BASP1: variants seen among roughly 807,000 people sequenced by gnomAD.
BASP1 encodes the protein brain acid soluble protein 1.
In BASP1, 1 loss-of-function variant was observed where a neutral mutation model predicts 2.2. That is an observed-to-expected ratio of 0.46 (90% CI 0.16 to 2.17). The LOEUF (loss-of-function observed/expected upper bound fraction) is 2.17, where lower values mean the gene tolerates loss of function less well. BASP1 is among the 30% of genes most tolerant of loss of function. BASP1 has a pLI of 0.27. For synonymous variants in BASP1, 187 were observed against 154.2 expected, an observed-to-expected ratio of 1.21 and a Z score of -1.58; for missense variants, 352 against 327.2, an observed-to-expected ratio of 1.08 and a Z score of -0.58.
In BASP1 at chr5:17,219,371, T is replaced by C. The variant is rs1009567064; in HGVS notation, c.-10+1561T>C. Among the ~76,000 whole-genome samples, 3 of 152,328 alleles carry C rather than the reference T, an allele frequency of 2.0e-5. No individual in the cohort carries two copies. In the South Asian group the frequency reaches 6.2e-4, roughly 32 times the overall value. ...TGACAGTTTTTCCCGCCTGTGTGTG[T>C]GTTTCTTCTTTTCCAGGCTGTCTCT... On this transcript the variant is annotated intron_variant, in intron 1 of 1. Coordinates refer to ENST00000322611, the MANE Select transcript of BASP1 (RefSeq NM_006317.5).
chr5:17,245,948 C>T (rs796738562), intron 1 of BASP1, among the ~76,000 whole-genome samples: 14 of 151,100 alleles, frequency 9.3e-5, no homozygotes, highest in South Asian at 2.1e-4. Context: ...ACTAATAAGT[C>T]GAATAATACC....
chr5:17,241,143 A>T (rs766126635), intron 1 of BASP1, among the ~76,000 whole-genome samples: 1 of 145,190 alleles, frequency 6.9e-6, no homozygotes, highest in Non-Finnish European at 1.5e-5. Context: ...TCTGTTGCCC[A>T]GGCTGGAGTG....
chr5:17,267,302 T>G (rs1740432628), intron 1 of BASP1, among the ~76,000 whole-genome samples: 1 of 152,198 alleles, frequency 6.6e-6, no homozygotes, highest in African/African-American at 2.4e-5. Flanking sequence ...GTGAGCTAGT[T>G]CTGCGTGAGT....
chr5:17,274,830 AT>A (rs969956241), intron 1 of BASP1, among the ~76,000 whole-genome samples: 1 of 152,196 alleles, frequency 6.6e-6, no homozygotes, highest in African/African-American at 2.4e-5. Context: ...TCTTTTTAAA[AT>A]TTTTAACTTT....
At chr5:17,244,927 G>A (rs1420743003) in intron 1 of BASP1, among the ~76,000 whole-genome samples, 3 of 150,430 alleles carry the variant, frequency 2.0e-5, no homozygotes, top group African/African-American at 7.3e-5. Flanking sequence ...CACCCGCCTC[G>A]GCCTCCCAAA....
chr5:17,275,202 T>C lies in BASP1; in HGVS notation c.-9-6T>C. 3 of 1,612,794 alleles carry C rather than the reference T, an allele frequency of 1.9e-6. No individual in the cohort carries two copies. The highest frequency in any genetic ancestry group is 2.5e-6 in the Non-Finnish European group (3 of 1,179,756). On this transcript the variant is annotated splice_region_variant and splice_polypyrimidine_tract_variant and intron_variant, in intron 1 of 1. Transcript: ENST00000322611. This position sits in a 1 kb window ranked among gnomAD's most constrained non-coding sequence, Gnocchi z 5.3. Reference sequence around the variant, plus strand: ...CCGTTTTGTTTTGTTTTGTGTTTGCTTCCAGAACTCCAAGATGGGAGGCAA... The same window carrying C: ...CCGTTTTGTTTTGTTTTGTGTTTGCCTCCAGAACTCCAAGATGGGAGGCAA...
chr5:17,228,953 CAGTTTTG>C (rs996495826), intron 1 of BASP1, among the ~76,000 whole-genome samples: 1 of 152,046 alleles, frequency 6.6e-6, no homozygotes, highest in Non-Finnish European at 1.5e-5. Flanking sequence ...AAACCCAAGC[CAGTTTTG>C]AGTTGAGTGT....
intron 1 of BASP1, among the ~76,000 whole-genome samples, chr5:17,238,315 C>T (rs751250133): frequency 2.0e-5 from 3 of 151,022 alleles, no homozygotes; most frequent in Non-Finnish European, 3.0e-5. Flanking sequence ...TTTTTTTTAT[C>T]GAAACCAAAA....
intron 1 of BASP1, among the ~76,000 whole-genome samples, chr5:17,261,405 A>C (rs1740313292): frequency 1.3e-5 from 2 of 152,246 alleles, no homozygotes; most frequent in South Asian, 4.1e-4. Context: ...TAAGTGTTGT[A>C]ATACGAGAGT....
At chr5:17,218,764 C>A (rs2126483637) in intron 1 of BASP1, among the ~76,000 whole-genome samples, 1 of 148,258 alleles carries the variant, frequency 6.7e-6, no homozygotes, top group Admixed American at 6.7e-5. Flanking sequence ...CCCTCCATTT[C>A]CAGAAAAATA....
chr5:17,240,005 A>G (rs943696388), intron 1 of BASP1, among the ~76,000 whole-genome samples: 2 of 151,998 alleles, frequency 1.3e-5, no homozygotes, highest in African/African-American at 2.4e-5. Context: ...GTTGGAACCT[A>G]ATGCCCAGTG....
chr5:17,257,647 G>A (rs143048699), intron 1 of BASP1, among the ~76,000 whole-genome samples: 1 of 152,296 alleles, frequency 6.6e-6, no homozygotes, highest in East Asian at 1.9e-4. Flanking sequence ...ATAGCTGAAC[G>A]TGGTCTCTCA....
At chr5:17,252,506 G>GT (rs1740122887) in intron 1 of BASP1, among the ~76,000 whole-genome samples, 1 of 152,150 alleles carries the variant, frequency 6.6e-6, no homozygotes, top group African/African-American at 2.4e-5. Flanking sequence ...ACCCAAGCAC[G>GT]TTTTTTGGAG....
At chr5:17,223,947 G>C (rs1298961360) in intron 1 of BASP1, among the ~76,000 whole-genome samples, 1 of 152,184 alleles carries the variant, frequency 6.6e-6, no homozygotes, top group Non-Finnish European at 1.5e-5. Flanking sequence ...TCCATACCTG[G>C]AGTAAAACTG....
At chr5:17,233,255 A>G (rs1310930880) in intron 1 of BASP1, among the ~76,000 whole-genome samples, 1 of 152,212 alleles carries the variant, frequency 6.6e-6, no homozygotes, top group Non-Finnish European at 1.5e-5. Flanking sequence ...TTCTCATACC[A>G]TCTCTATAAT....
intron 1 of BASP1, among the ~76,000 whole-genome samples, chr5:17,269,699 T>C (rs1408550274): frequency 6.6e-6 from 1 of 152,248 alleles, no homozygotes; most frequent in African/African-American, 2.4e-5. Context: ...TAAGTTAGTA[T>C]CTCTATTAAG....
intron 1 of BASP1, among the ~76,000 whole-genome samples, chr5:17,259,220 A>C (rs1166285537): frequency 2.0e-5 from 3 of 151,772 alleles, no homozygotes; most frequent in African/African-American, 7.3e-5. Flanking sequence ...GTGCAGGGAA[A>C]CTCCTGTTTT....
chr5:17,265,696 G>A (rs1740403752), intron 1 of BASP1, among the ~76,000 whole-genome samples: 1 of 152,174 alleles, frequency 6.6e-6, no homozygotes, highest in Admixed American at 6.5e-5. Context: ...AACCTGTTTA[G>A]TAAGTGTTTT....
At chr5:17,269,351 G>GGTAT (rs148235393) in intron 1 of BASP1, among the ~76,000 whole-genome samples, 1 of 152,302 alleles carries the variant, frequency 6.6e-6, no homozygotes, top group East Asian at 1.9e-4. Context: ...GAAGGTGATG[G>GGTAT]GTATGTATTC....
Sources: allele counts gnomAD v4.1 joint callset (sites outside exome capture counted in the v4.1 genomes callset), GRCh38; gene constraint gnomAD v4.1.1; non-coding constraint Gnocchi (gnomAD v3.1); transcripts MANE v1.5; gene names NCBI Gene and HGNC (gene_info 2026-07-23, HGNC 2026-07-21).